ROBO2: variants seen among roughly 807,000 people sequenced by gnomAD.
ROBO2 encodes roundabout homolog 2.
ROBO2 carries 53 observed loss-of-function variants against 160.8 expected under a neutral mutation model. That is an observed-to-expected ratio of 0.33 (90% confidence interval 0.26 to 0.41). The LOEUF is 0.41. Ranked by LOEUF, ROBO2 falls within the 10% of genes least tolerant of loss-of-function variation. ROBO2 has a pLI of 1.00. For missense variants in ROBO2, 1,577 were observed against 1,722.4 expected, an observed-to-expected ratio of 0.92 and a Z score of 1.49; for synonymous variants, 664 against 611.7, an observed-to-expected ratio of 1.09 and a Z score of -1.26.
At chr3:76,026,368 AAATT>A (rs2066746029) in intron 2 of ROBO2, among the ~76,000 whole-genome samples, 1 of 151,950 alleles carries the variant, frequency 6.6e-6, no homozygotes, top group Non-Finnish European at 1.5e-5. Context: ...CTAATGATAA[AAATT>A]TAATCAACCC....
At chr3:76,209,173 G>A (rs1429308934) in intron 2 of ROBO2, among the ~76,000 whole-genome samples, 2 of 152,120 alleles carry the variant, frequency 1.3e-5, no homozygotes, top group African/African-American at 4.8e-5. Context: ...TCAGATGGAA[G>A]GGCAATTGAT....
intron 2 of ROBO2, among the ~76,000 whole-genome samples, chr3:76,346,432 G>T (rs1193501504): frequency 2.0e-5 from 3 of 151,938 alleles, no homozygotes; most frequent in African/African-American, 7.3e-5. Flanking sequence ...TGAAAACTGA[G>T]GTCAAGACTA....
At chr3:75,968,434 G>A (rs1412514635) in intron 2 of ROBO2, among the ~76,000 whole-genome samples, 2 of 151,350 alleles carry the variant, frequency 1.3e-5, no homozygotes, top group Non-Finnish European at 3.0e-5. Context: ...AATTTTTAAT[G>A]TATAAATTGT....
At chr3:77,393,737 A>G (rs1357764574) in intron 2 of ROBO2, among the ~76,000 whole-genome samples, 2 of 151,696 alleles carry the variant, frequency 1.3e-5, no homozygotes, top group African/African-American at 4.8e-5. Context: ...CCCAAGTCAT[A>G]TATTATTAGT....
chr3:77,058,476 A>C (rs755115009), intron 1 of ROBO2, among the ~76,000 whole-genome samples: 7 of 152,192 alleles, frequency 4.6e-5, no homozygotes, highest in Non-Finnish European at 7.3e-5. Flanking sequence ...TTCAAAAAGT[A>C]ATTGAAAAAA....
intron 1 of ROBO2, among the ~76,000 whole-genome samples, chr3:75,914,696 C>G (rs1946736512): frequency 6.6e-5 from 10 of 152,150 alleles, no homozygotes. Context: ...GAGTAAAGAA[C>G]TCTACGGATG....
At chr3:75,945,585 T>C (rs895764527) in intron 2 of ROBO2, among the ~76,000 whole-genome samples, 2 of 152,146 alleles carry the variant, frequency 1.3e-5, no homozygotes, top group African/African-American at 4.8e-5. Flanking sequence ...CTTTATTCTC[T>C]TGCAATTGAC....
At chr3:77,409,574 G>T (rs777118804) in intron 2 of ROBO2, among the ~76,000 whole-genome samples, 1 of 151,928 alleles carries the variant, frequency 6.6e-6, no homozygotes, top group African/African-American at 2.4e-5. Flanking sequence ...GAATACATGC[G>T]CCGGCTTTAT....
intron 1 of ROBO2, among the ~76,000 whole-genome samples, chr3:75,909,353 A>G (rs924560549): frequency 4.6e-5 from 7 of 152,182 alleles, no homozygotes; most frequent in African/African-American, 9.6e-5. Flanking sequence ...GTTTAGGGGT[A>G]TAAGGAGAAG....
chr3:76,413,892 C>A (rs2075620910), intron 2 of ROBO2, among the ~76,000 whole-genome samples: 1 of 151,820 alleles, frequency 6.6e-6, no homozygotes, highest in South Asian at 2.1e-4. Flanking sequence ...CTGTATTACT[C>A]CATTTTCATG....
At chr3:77,264,882 A>G (rs2059026761) in intron 2 of ROBO2, among the ~76,000 whole-genome samples, 1 of 152,164 alleles carries the variant, frequency 6.6e-6, no homozygotes, top group African/African-American at 2.4e-5. Flanking sequence ...TTATATTTCA[A>G]CATTTTTAAA....
intron 2 of ROBO2, among the ~76,000 whole-genome samples, chr3:76,974,723 C>T (rs1214428037): frequency 6.6e-6 from 1 of 152,118 alleles, no homozygotes; most frequent in Admixed American, 6.5e-5. Context: ...CGAAATGTGC[C>T]TCTTTACTTA....
intron 2 of ROBO2, among the ~76,000 whole-genome samples, chr3:76,370,646 G>C (rs1179034410): frequency 6.6e-6 from 1 of 151,800 alleles, no homozygotes; most frequent in Non-Finnish European, 1.5e-5. Flanking sequence ...GTCCTGCCAG[G>C]AGCTCTTCAT....
At chr3:76,138,138 C>T (rs1317634592) in intron 2 of ROBO2, among the ~76,000 whole-genome samples, 1 of 151,786 alleles carries the variant, frequency 6.6e-6, no homozygotes, top group Non-Finnish European at 1.5e-5. Context: ...TTAAAGAAAA[C>T]TATAATCAAA....
At chr3:77,564,474 A>G (rs1320985612) in intron 11 of ROBO2, 4 of 455,742 alleles carry the variant, frequency 8.8e-6, no homozygotes, top group South Asian at 6.2e-5. Flanking sequence ...AGGCTCAGTT[A>G]TAATATTGCA....
At chr3:76,974,869 G>C (rs886280981) in intron 2 of ROBO2, among the ~76,000 whole-genome samples, 1 of 152,020 alleles carries the variant, frequency 6.6e-6, no homozygotes. Context: ...AGCAAAAGTA[G>C]TAAACAGCTT....
At chr3:76,334,817 T>C (rs1268663362) in intron 2 of ROBO2, among the ~76,000 whole-genome samples, 1 of 152,146 alleles carries the variant, frequency 6.6e-6, no homozygotes, top group Admixed American at 6.5e-5. Flanking sequence ...TTGGGACTAT[T>C]AGAAAAATTA....
At chr3:77,099,911 C>T (rs528895254) in intron 2 of ROBO2, among the ~76,000 whole-genome samples, 30 of 152,034 alleles carry the variant, frequency 2.0e-4, no homozygotes, top group Admixed American at 1.6e-3. Context: ...TTTGAAGAAA[C>T]ACTCTAAATG....
intron 2 of ROBO2, among the ~76,000 whole-genome samples, chr3:76,900,593 G>A (rs1234539876): frequency 2.0e-5 from 3 of 152,168 alleles, no homozygotes; most frequent in Non-Finnish European, 4.4e-5. Flanking sequence ...ACTCCCATAA[G>A]GGAAGCAGCC....
Sources: allele counts gnomAD v4.1 joint callset (sites outside exome capture counted in the v4.1 genomes callset), GRCh38; gene constraint gnomAD v4.1.1; transcripts MANE v1.5; gene names NCBI Gene and HGNC (gene_info 2026-07-23, HGNC 2026-07-21).